POLQ: variants seen among roughly 807,000 people sequenced by gnomAD.
POLQ encodes DNA polymerase theta.
A neutral mutation model predicts 259.2 loss-of-function variants in POLQ; 233 were observed. That is an observed-to-expected ratio of 0.90 (90% CI 0.81 to 1.00). POLQ has a LOEUF of 1.00. Among genes scored for constraint, POLQ ranks in the 50% least tolerant of loss-of-function variants. The pLI is 0.00. For synonymous variants in POLQ, 1,025 were observed against 1,048.8 expected (o/e 0.98, Z 0.44); for missense variants, 2,871 against 3,051.6 (o/e 0.94, Z 1.39).
chr3:121,519,910 T>C lies in POLQ; in HGVS notation c.1429A>G (p.Met477Val). ...CCTTTCCTGCCAGCACGGCCAACCA[T>C]CTGCTTATAAGTAAGAATATCTAGA... The part of the protein sequence containing the change: ...RPLDILTYKQ[M>V]VGRAGRKGVD... The change falls in exon 9 of 30, where the codon ATG (methionine) becomes GTG (valine). Residue 477 changes from methionine to valine, a missense_variant. By Grantham distance (21) the Met-to-Val change is conservative. This residue lies in a region of POLQ where 783 missense variants were observed against 906.2 expected (regional missense o/e 0.86). Transcript: ENST00000264233. 6.2e-7 allele frequency: 1 copy of C among 1,609,090 alleles called. No individual in the cohort carries two copies. The highest frequency in any genetic ancestry group is 2.2e-5 in the East Asian group (1 of 44,828).
intron 13 of POLQ, 116 bp downstream of exon 13, chr3:121,498,361 T>A (rs1359071179): frequency 4.6e-6 from 3 of 659,152 alleles, no homozygotes; most frequent in Non-Finnish European, 7.6e-6. Flanking sequence ...AAAAATCTTA[T>A]ACTCTGCCAA....
rs539376000 is a variant in POLQ, at chr3:121,487,562, C to G, written c.5369G>C (p.Arg1790Thr). The change falls in exon 16 of 30, where the codon AGA becomes ACA. Residue 1790 changes from arginine (R) to threonine (T), a missense_variant. This residue lies in a region of POLQ where 2,080 missense variants were observed against 2,126.0 expected (regional missense o/e 0.98). Transcript: ENST00000264233. ...AGGGCTGTTGTCTTTGAACCCATTT[C>G]TACTCCCTGGACTTAAATCGTGGTT... ...IKNHDLSPGS[R>T]NGFKDNSPIS... 6.2e-7 allele frequency: 1 copy of G among 1,614,066 alleles called. No homozygotes were observed. The highest frequency in any genetic ancestry group is 1.1e-5 in the South Asian group (1 of 91,072).
At chr3:121,541,976 CA>C (rs796534977) in intron 2 of POLQ, among the ~76,000 whole-genome samples, 74 of 142,860 alleles carry the variant, frequency 5.2e-4, no homozygotes, top group Admixed American at 9.1e-4. Context: ...ATAAAAATAA[CA>C]AAAAAAAAAA....
chr3:121,466,236 T>C (rs533040168), intron 24 of POLQ, among the ~76,000 whole-genome samples: 81 of 150,598 alleles, frequency 5.4e-4, no homozygotes, highest in Middle Eastern at 3.4e-3. Flanking sequence ...TGCATTTTCC[T>C]ACTCCAGAAT....
intron 16 of POLQ, among the ~76,000 whole-genome samples, chr3:121,486,044 A>G (rs543951755): frequency 1.3e-5 from 2 of 152,346 alleles, no homozygotes; most frequent in Non-Finnish European, 2.9e-5. Flanking sequence ...TTATTTGACC[A>G]AAAGGTTCAA....
At chr3:121,449,250 A>G (rs947467623) in intron 26 of POLQ, 65 bp downstream of exon 26, 15 of 838,354 alleles carry the variant, frequency 1.8e-5, no homozygotes, top group Non-Finnish European at 2.7e-5. Flanking sequence ...ATTCCATTAC[A>G]CAAATTTTTA....
intron 22 of POLQ, among the ~76,000 whole-genome samples, 184 bp downstream of exon 22, chr3:121,471,806 T>C (rs1480604677): frequency 6.6e-6 from 1 of 152,078 alleles, no homozygotes; most frequent in Non-Finnish European, 1.5e-5. Context: ...CAGGAACCAA[T>C]ACTCATCTCT....
intron 26 of POLQ, among the ~76,000 whole-genome samples, chr3:121,448,492 A>T (rs2047647999): frequency 6.6e-6 from 1 of 151,784 alleles, no homozygotes; most frequent in African/African-American, 2.4e-5. Context: ...TCAGCCTCCG[A>T]GTAGCTGGGA....
chr3:121,439,191 A>C (rs1444301992), intron 27 of POLQ, among the ~76,000 whole-genome samples: 1 of 150,562 alleles, frequency 6.6e-6, no homozygotes, highest in African/African-American at 2.4e-5. Flanking sequence ...CTTATTCACT[A>C]TTTGGGATAT....
chr3:121,449,485 G>A, intron 25 of POLQ, 59 bp from the exon 26 acceptor site: 2 of 935,034 alleles, frequency 2.1e-6, no homozygotes, highest in Non-Finnish European at 3.5e-6. Context: ...AAATAAAAGG[G>A]TTCATTAGGA....
At chr3:121,454,639 C>T (rs930683490) in intron 25 of POLQ, among the ~76,000 whole-genome samples, 2 of 152,066 alleles carry the variant, frequency 1.3e-5, no homozygotes, top group African/African-American at 4.8e-5. Context: ...ACAAAGAAGG[C>T]CATTACATAA....
In POLQ at chr3:121,459,670, C is replaced by T. The variant is rs183127686; in HGVS notation, c.7152+380G>A. Among the ~76,000 whole-genome samples, 184 of 152,198 alleles carry T rather than the reference C, an allele frequency of 1.2e-3. 1 individual carries two copies. The highest frequency in any genetic ancestry group is 4.7e-4 in the Non-Finnish European group (32 of 67,998). On this transcript the variant is annotated intron_variant, in intron 25 of 29. Coordinates refer to ENST00000264233, the MANE Select transcript of POLQ (RefSeq NM_199420.4). ...TGCTGGGATTACAGGCGTGAGCCAC[C>T]GCGCCCGGCCTGGAAAGATGTTTTT...
At chr3:121,452,654 C>T (rs1390995363) in intron 25 of POLQ, among the ~76,000 whole-genome samples, 5 of 152,022 alleles carry the variant, frequency 3.3e-5, no homozygotes, top group African/African-American at 1.2e-4. Flanking sequence ...TTGTCTCCGG[C>T]GGATAAGTGT....
At position 121,459,029 on chromosome 3, in the gene POLQ, G is replaced by A. The variant is rs146059003; in HGVS notation, c.7152+1021C>T. On this transcript the variant is annotated intron_variant, in intron 25 of 29. Coordinates refer to ENST00000264233, the MANE Select transcript of POLQ (RefSeq NM_199420.4). Reference sequence around the variant, plus strand: ...TTGCAAATGGCATCAGATTTCCCACGGGTCATGTGGTAAGAAAGTATCAGT... The same window carrying A: ...TTGCAAATGGCATCAGATTTCCCACAGGTCATGTGGTAAGAAAGTATCAGT... Among the ~76,000 whole-genome samples the A allele has an allele frequency of 1.3e-4, 20 of 152,286 alleles. No homozygotes were observed. The South Asian group carries it at 1.9e-3, about 14-fold the overall frequency.
intron 25 of POLQ, among the ~76,000 whole-genome samples, chr3:121,459,410 C>G (rs1196285693): frequency 9.3e-6 from 1 of 107,860 alleles, no homozygotes; most frequent in African/African-American, 3.6e-5. Context: ...GAGATGGAGT[C>G]TTGCTCTTTC....
chr3:121,487,302 C>T lies in POLQ; in HGVS notation c.5629G>A (p.Ala1877Thr). ...TATIGSRFKQASSPQEIPIRD... is the reference protein window; with the variant it reads ...TATIGSRFKQTSSPQEIPIRD... ...AAAATAAAATTAAAAAAATTCTTACCTTGCTTAAACCTACTGCCAATAGTA... is the reference window on the plus strand; with the variant it reads ...AAAATAAAATTAAAAAAATTCTTACTTTGCTTAAACCTACTGCCAATAGTA... The change falls in exon 16 of 30, where the codon GCT (alanine) becomes ACT (threonine). Residue 1877 changes from alanine (A) to threonine (T), a missense_variant and splice_region_variant. Physicochemically the swap from Ala to Thr is moderately conservative, Grantham distance 58. Transcript: ENST00000264233. 1.3e-6 allele frequency: 2 copies of T among 1,527,382 alleles called. No homozygotes were observed. Among genetic ancestry groups the T allele is most frequent in the South Asian group, 1.3e-5 (1 of 78,042 alleles). The allele number at this position is 1,527,382 out of a possible 1,614,324, so 94.6% of individuals were successfully genotyped here. A position where few individuals can be genotyped will look rare whatever the true frequency, so the allele number is the denominator to read the frequency against.
intron 22 of POLQ, among the ~76,000 whole-genome samples, chr3:121,470,595 T>C (rs1263508040): frequency 2.0e-5 from 3 of 152,138 alleles, no homozygotes; most frequent in East Asian, 1.9e-4. Context: ...GAGACTGTTA[T>C]TACCTTATTC....
intron 29 of POLQ, among the ~76,000 whole-genome samples, 194 bp downstream of exon 29, chr3:121,432,724 C>T (rs565681560): frequency 6.6e-6 from 1 of 152,280 alleles, no homozygotes; most frequent in African/African-American, 2.4e-5. Flanking sequence ...ATTGGCAATT[C>T]TTCACTTATT....
chr3:121,476,095 C>CA (rs1478763955), intron 20 of POLQ, among the ~76,000 whole-genome samples: 2 of 152,034 alleles, frequency 1.3e-5, no homozygotes, highest in Non-Finnish European at 2.9e-5. Context: ...AATTCATGAG[C>CA]AAAAAATCCC....
Sources: gnomAD v4.1 joint callset for allele counts (sites outside exome capture counted in the v4.1 genomes callset) on GRCh38, gnomAD v4.1.1 for gene constraint, gnomAD v4.1.1 regional missense constraint, MANE v1.5 for transcripts, NCBI Gene and HGNC (gene_info 2026-07-23, HGNC 2026-07-21) for gene names.